The following CARMIL3 variants were observed in gnomAD, a reference collection of about 807,000 sequenced individuals.
CARMIL3 encodes capping protein, Arp2/3 and myosin-I linker protein 3.
A neutral mutation model predicts 180.8 loss-of-function variants in CARMIL3; 88 were observed. The observed-to-expected ratio is 0.49, with a 90% CI of 0.41 to 0.58. CARMIL3 has a LOEUF of 0.58. CARMIL3 is among the 20% of genes least tolerant of loss of function. CARMIL3 has a pLI of 0.00. For missense variants in CARMIL3, 1,548 were observed against 1,787.0 expected, an observed-to-expected ratio of 0.87 and a Z score of 2.41; for synonymous variants, 696 against 714.5, an observed-to-expected ratio of 0.97 and a Z score of 0.41.
rs747254560 is a variant in CARMIL3 at position 24,068,563 on chromosome 14, TCTC to T, written c.3683-17_3683-15del. Reference sequence around the variant, plus strand: ...TGCAAGAATGCCTTTTCCTGCAGCTTCTCCTCTCTCTCATCCCCAGCTGAAGAG... The same window carrying T: ...TGCAAGAATGCCTTTTCCTGCAGCTTCTCTCTCTCATCCCCAGCTGAAGAG... On this transcript the variant is annotated intron_variant, in intron 36 of 39. Transcript: ENST00000342740. 1.0e-4 allele frequency: 158 copies of T among 1,583,144 alleles called. No individual in the cohort carries two copies. The highest frequency in any genetic ancestry group is 9.3e-4 in the African/African-American group (69 of 73,980).
chr14:24,053,821 G>C lies in CARMIL3; in HGVS notation c.135+18G>C, dbSNP rs775128053. The C allele has an allele frequency of 3.1e-6, 5 of 1,600,712 alleles. No individual in the cohort carries two copies. Among genetic ancestry groups the C allele is most frequent in the South Asian group, 2.2e-5 (2 of 89,168 alleles). On this transcript the variant is annotated intron_variant, in intron 2 of 39. Coordinates refer to ENST00000342740, the MANE Select transcript of CARMIL3 (RefSeq NM_138360.4). ...GAGTGCTGGTGAGGGCACTGGGCAT[G>C]TGGGGAGGGAGGAGGTGGCTGGCAA...
rs45484702 is a variant in CARMIL3 at position 24,056,997 on chromosome 14, T to C, written c.1035T>C (p.Pro345=). 0.21 allele frequency: 344,865 copies of C among 1,613,346 alleles called. 39,140 individuals are homozygous for C. Among genetic ancestry groups the C allele is most frequent in the East Asian group, 0.4 (18,118 of 44,836 alleles). Residue 345 remains proline, a synonymous_variant, in exon 13 of 40, where the codon CCT becomes CCC. Transcript: ENST00000342740. ...GATACCTGGACCTGAGCAAGAATCCTGGGCTCCTCGCCACGGATGAGGCCA... is the reference window on the plus strand; with the variant it reads ...GATACCTGGACCTGAGCAAGAATCCCGGGCTCCTCGCCACGGATGAGGCCA... The part of the protein sequence containing the change: ...SLRYLDLSKN[P]GLLATDEANA...
chr14:24,057,717 C>A, intron 14 of CARMIL3, 86 bp from the exon 15 acceptor site: 1 of 1,180,530 alleles, frequency 8.5e-7, no homozygotes, highest in Non-Finnish European at 1.2e-6. Context: ...AGCCAGGAAC[C>A]TCGATGGGGA....
chr14:24,066,340 C>T, intron 34 of CARMIL3, 58 bp from the exon 35 acceptor site: 1 of 1,581,260 alleles, frequency 6.3e-7, no homozygotes, highest in South Asian at 1.1e-5. Context: ...AGCCCTTTGT[C>T]AGCTGCAGTC....
In CARMIL3 at chr14:24,058,648, C is replaced by G. The variant is rs773608995; in HGVS notation, c.1393-32C>G. ...AAGGTGCCCTACCCCCACCCCAACC[C>G]CTGCCTTCCCTACCTCACCTTGTCC... On this transcript the variant is annotated intron_variant, in intron 17 of 39. Coordinates refer to ENST00000342740, the MANE Select transcript of CARMIL3 (RefSeq NM_138360.4). This position sits in a 1 kb window ranked among gnomAD's most constrained non-coding sequence, Gnocchi z 6.4. 3.9e-5 allele frequency: 63 copies of G among 1,607,472 alleles called. No homozygotes were observed. The highest frequency in any genetic ancestry group is 4.8e-5 in the Non-Finnish European group (56 of 1,175,834).
Position 24,058,613 on chromosome 14 carries a change from C to G in CARMIL3, c.1393-67C>G, listed in dbSNP as rs2035698625. The G allele has an allele frequency of 3.8e-6, 5 of 1,314,334 alleles. No homozygotes were observed. Among genetic ancestry groups the G allele is most frequent in the Non-Finnish European group, 4.3e-6 (4 of 925,404 alleles). 81.4% of individuals were successfully genotyped at this position (1,314,334 alleles called of 1,614,324 possible). On this transcript the variant is annotated intron_variant, in intron 17 of 39. Transcript: ENST00000342740. The surrounding 1 kb of genome is among the most constrained non-coding windows in gnomAD (Gnocchi z 6.4). ...TGAGTTCTGGTGTGACTACTATATC[C>G]TAAGCATTAAAGGTGCCCTACCCCC...
rs756480831 is a variant in CARMIL3, at chr14:24,057,851, A to T, written c.1189A>T (p.Asn397Tyr). ...CTGCTGCTCCCACCTCACCTACCTC[A>T]ACCTGGCTCGCAACAGCTGCTCCCA... Reference protein sequence around the residue: ...HGCCSHLTYLNLARNSCSHRK... With the variant: ...HGCCSHLTYLYLARNSCSHRK... The change falls in exon 15 of 40, where the codon AAC becomes TAC. Residue 397 changes from asparagine (N) to tyrosine (Y), a missense_variant. Physicochemically the swap from Asn to Tyr is moderately radical, Grantham distance 143. Coordinates refer to ENST00000342740, the MANE Select transcript of CARMIL3 (RefSeq NM_138360.4). 1.6e-5 allele frequency: 26 copies of T among 1,610,336 alleles called. No individual in the cohort carries two copies. The highest frequency in any genetic ancestry group is 3.3e-5 in the Admixed American group (2 of 59,844).
chr14:24,059,590 A>C lies in CARMIL3; in HGVS notation c.1800-74A>C. Reference sequence around the variant, plus strand: ...TCTCTGAGTCAGCCTTATTGCCCCAAGAGGTTTGTGTCCCTGGCCCCTAGT... The same window carrying C: ...TCTCTGAGTCAGCCTTATTGCCCCACGAGGTTTGTGTCCCTGGCCCCTAGT... On this transcript the variant is annotated intron_variant, in intron 21 of 39. Transcript: ENST00000342740. This position sits in a 1 kb window ranked among gnomAD's most constrained non-coding sequence, Gnocchi z 6.3. The C allele has an allele frequency of 1.9e-6, 3 of 1,572,752 alleles. No individual in the cohort carries two copies. The highest frequency in any genetic ancestry group is 2.6e-6 in the Non-Finnish European group (3 of 1,150,696).
intron 36 of CARMIL3, among the ~76,000 whole-genome samples, chr14:24,067,028 A>G (rs1039992553): frequency 2.6e-5 from 4 of 152,238 alleles, no homozygotes; most frequent in African/African-American, 9.6e-5. Context: ...TCAAACTGCC[A>G]GCAAGTACCA....
rs1450628828 is a variant in CARMIL3, at chr14:24,061,487, C to T, written c.2305-10C>T. ...CCTTGGGCCTCTGGCCTCCCTTTCC[C>T]CCATACTAGGTGATCCTGGAGTCCA... On this transcript the variant is annotated splice_polypyrimidine_tract_variant and intron_variant, in intron 26 of 39. Coordinates refer to ENST00000342740, the MANE Select transcript of CARMIL3 (RefSeq NM_138360.4). The surrounding 1 kb of genome is among the most constrained non-coding windows in gnomAD (Gnocchi z 4.1). 5.0e-6 allele frequency: 8 copies of T among 1,609,400 alleles called. No individual in the cohort carries two copies. In the African/African-American group the frequency reaches 9.4e-5, roughly 19 times the overall value.
chr14:24,061,181 T>C lies in CARMIL3; in HGVS notation c.2304+141T>C, dbSNP rs2035729278. 1.4e-6 allele frequency: 1 copy of C among 709,290 alleles called. No homozygotes were observed. Among genetic ancestry groups the C allele is most frequent in the Non-Finnish European group, 2.3e-6 (1 of 428,586 alleles). The allele number at this position is 709,290 out of a possible 1,614,324, so 43.9% of individuals were successfully genotyped here. A position where few individuals can be genotyped will look rare whatever the true frequency, so the allele number is the denominator to read the frequency against. ...GTTGAGACCACCCACGCTCCCACTGTACCAAGGCATTGCTGCAATATCAGG... is the reference window on the plus strand; with the variant it reads ...GTTGAGACCACCCACGCTCCCACTGCACCAAGGCATTGCTGCAATATCAGG... On this transcript the variant is annotated intron_variant, in intron 26 of 39. Coordinates refer to ENST00000342740, the MANE Select transcript of CARMIL3 (RefSeq NM_138360.4). The surrounding 1 kb of genome is among the most constrained non-coding windows in gnomAD (Gnocchi z 4.1).
In CARMIL3 at chr14:24,063,103, C is replaced by T. The variant is rs755379858; in HGVS notation, c.2707-17C>T. 2.8e-5 allele frequency: 45 copies of T among 1,609,254 alleles called. No individual in the cohort carries two copies. In the South Asian group the frequency reaches 3.2e-4, roughly 11 times the overall value. ...GGGTGAGGTGCCTGGCCCTGCCACT[C>T]GTCTTCATTTCTGCAGGACACCATG... On this transcript the variant is annotated splice_polypyrimidine_tract_variant and intron_variant, in intron 29 of 39. Coordinates refer to ENST00000342740, the MANE Select transcript of CARMIL3 (RefSeq NM_138360.4).
At chr14:24,055,470 C>G (rs2035662764) in intron 8 of CARMIL3, 73 bp from the exon 9 acceptor site, 4 of 1,566,122 alleles carry the variant, frequency 2.6e-6, no homozygotes, top group Non-Finnish European at 3.5e-6. Flanking sequence ...CCCAACCACC[C>G]TATCCTTGGT....
At position 24,056,320 on chromosome 14, in the gene CARMIL3, C is replaced by T. The variant is rs1035013685; in HGVS notation, c.792C>T (p.Ala264=). Residue 264 remains alanine, a synonymous_variant, in exon 11 of 40, where the codon GCC becomes GCT. Transcript: ENST00000342740. ...GLKTDFVQKL[A]GVFGENGSCV... ...GAAGGGACTTTGTCCAGAAGCTGGCCGGGGTGTTTGGGGAGAACGGGAGCT... is the reference window on the plus strand; with the variant it reads ...GAAGGGACTTTGTCCAGAAGCTGGCTGGGGTGTTTGGGGAGAACGGGAGCT... 6.8e-6 allele frequency: 11 copies of T among 1,613,818 alleles called. No homozygotes were observed. The highest frequency in any genetic ancestry group is 4.4e-5 in the South Asian group (4 of 91,078).
rs763302401 is a variant in CARMIL3 at position 24,054,039 on chromosome 14, C to A, written c.136-49C>A. On this transcript the variant is annotated intron_variant, in intron 2 of 39. Transcript: ENST00000342740. This position sits in a 1 kb window ranked among gnomAD's most constrained non-coding sequence, Gnocchi z 5.1. ...AAGGGCTTAAGGAGGGCAGGGCCAC[C>A]AAGGCCCAGCAGCTGCCATGAGCTG... The A allele has an allele frequency of 3.1e-6, 5 of 1,601,568 alleles. No homozygotes were observed. Among genetic ancestry groups the A allele is most frequent in the African/African-American group, 1.3e-5 (1 of 74,702 alleles).
intron 13 of CARMIL3, 25 bp from the exon 14 acceptor site, chr14:24,057,142 C>A (rs2035680123): frequency 1.9e-6 from 3 of 1,611,406 alleles, no homozygotes; most frequent in Non-Finnish European, 2.5e-6. Context: ...CCTTCCCCTG[C>A]AACCCCTCTT....
intron 36 of CARMIL3, 148 bp downstream of exon 36, chr14:24,066,804 A>G: frequency 1.2e-6 from 1 of 834,532 alleles, no homozygotes; most frequent in East Asian, 2.7e-5. Flanking sequence ...GGATATTTAC[A>G]AAGCTATATC....
Position 24,057,800 on chromosome 14 carries a change from C to T in CARMIL3, c.1141-3C>T, listed in dbSNP as rs373238973. On this transcript the variant is annotated splice_polypyrimidine_tract_variant and splice_region_variant and intron_variant, in intron 14 of 39. Coordinates refer to ENST00000342740, the MANE Select transcript of CARMIL3 (RefSeq NM_138360.4). ...CTGAGACCCACCATATCTCCCCCCA[C>T]AGCTTCTCGGTGCCCTGCTCCACGG... 9.9e-6 allele frequency: 16 copies of T among 1,608,230 alleles called. No homozygotes were observed. Among genetic ancestry groups the T allele is most frequent in the Admixed American group, 1.7e-5 (1 of 59,812 alleles).
Position 24,069,557 on chromosome 14 carries a change from G to A in CARMIL3, c.*153G>A. 2 of 933,018 alleles carry A rather than the reference G, an allele frequency of 2.1e-6. No homozygotes were observed. The highest frequency in any genetic ancestry group is 3.3e-5 in the South Asian group (2 of 60,476). 57.8% of individuals were successfully genotyped at this position (933,018 alleles called of 1,614,324 possible). The stretch of plus-strand genomic sequence containing the variant: ...ATGGGGGAGCTGGAGGCAGGGACTA[G>A]AACAGAGGGAGCCACCTGGAGAGAC... On this transcript the variant is annotated 3_prime_UTR_variant, in exon 40 of 40. Transcript: ENST00000342740.
Sources: gnomAD v4.1 joint callset for allele counts (sites outside exome capture counted in the v4.1 genomes callset) on GRCh38, gnomAD v4.1.1 for gene constraint, Gnocchi (gnomAD v3.1) non-coding constraint, MANE v1.5 for transcripts, NCBI Gene and HGNC (gene_info 2026-07-23, HGNC 2026-07-21) for gene names.